ADAMTSL3: variants seen among roughly 807,000 people sequenced by gnomAD.
The protein encoded by ADAMTSL3 is ADAMTS like 3, also known as ADAMTS-like protein 3.
In ADAMTSL3, 128 loss-of-function variants were observed where a neutral mutation model predicts 201.7. The ratio of observed to expected loss-of-function variants is 0.63; its 90% CI spans 0.55 to 0.73. The LOEUF is 0.73. Ranked by LOEUF, ADAMTSL3 falls within the 30% of genes least tolerant of loss-of-function variation. The probability of loss-of-function intolerance (pLI) is 0.00; values close to 1 mark genes in which losing one functional copy is unlikely to be tolerated. For missense variants in ADAMTSL3, 1,990 were observed against 2,119.6 expected (o/e 0.94, Z 1.20); for synonymous variants, 738 against 748.4 (o/e 0.99, Z 0.23).
intron 19 of ADAMTSL3, among the ~76,000 whole-genome samples, chr15:83,969,239 T>C (rs544096686): frequency 1.3e-5 from 2 of 151,546 alleles, no homozygotes; most frequent in South Asian, 4.2e-4. Context: ...AGGTCAGGAG[T>C]TTGAGACCAG....
chr15:83,875,235 G>C (rs2065156044), intron 9 of ADAMTSL3, among the ~76,000 whole-genome samples: 1 of 152,246 alleles, frequency 6.6e-6, no homozygotes, highest in African/African-American at 2.4e-5. Flanking sequence ...ATTAAATGCA[G>C]TAGGTTCTAG....
chr15:83,681,187 C>T (rs1415698695), intron 2 of ADAMTSL3, among the ~76,000 whole-genome samples: 1 of 152,164 alleles, frequency 6.6e-6, no homozygotes, highest in Non-Finnish European at 1.5e-5. Flanking sequence ...TGACATAATA[C>T]AGAAAGGATT....
At chr15:83,924,600 C>T (rs768740772) in intron 17 of ADAMTSL3, among the ~76,000 whole-genome samples, 3 of 152,142 alleles carry the variant, frequency 2.0e-5, no homozygotes, top group Non-Finnish European at 2.9e-5. Context: ...ATAGGTTTAC[C>T]TTAAAAGTTA....
At chr15:83,730,492 G>A (rs1252035179) in intron 3 of ADAMTSL3, among the ~76,000 whole-genome samples, 1 of 152,096 alleles carries the variant, frequency 6.6e-6, no homozygotes, top group Non-Finnish European at 1.5e-5. Flanking sequence ...TCCATGGAAA[G>A]AGGTAAAAAA....
At chr15:83,872,627 C>CACACACACACACAGAGAGAG (rs6145659) in intron 9 of ADAMTSL3, among the ~76,000 whole-genome samples, 3 of 140,918 alleles carry the variant, frequency 2.1e-5, no homozygotes, top group Non-Finnish European at 3.0e-5. Context: ...CACACACACA[C>CACACACACACACAGAGAGAG]AGAGTTTTTG....
At chr15:83,794,967 C>T (rs892139247) in intron 4 of ADAMTSL3, among the ~76,000 whole-genome samples, 5 of 152,094 alleles carry the variant, frequency 3.3e-5, no homozygotes, top group Non-Finnish European at 5.9e-5. Flanking sequence ...ATTCTCCCAC[C>T]TCAGCCTCCC....
At chr15:83,784,185 G>C (rs150780247) in intron 4 of ADAMTSL3, among the ~76,000 whole-genome samples, 1 of 152,086 alleles carries the variant, frequency 6.6e-6, no homozygotes, top group Non-Finnish European at 1.5e-5. Context: ...CCTGTCCCAC[G>C]TAGGCACTGA....
intron 15 of ADAMTSL3, among the ~76,000 whole-genome samples, chr15:83,901,370 G>A (rs2065720778): frequency 6.6e-6 from 1 of 151,984 alleles, no homozygotes; most frequent in Non-Finnish European, 1.5e-5. Flanking sequence ...AGTTTAAGGA[G>A]GCAAGGAGGC....
At chr15:83,896,336 G>A (rs1236705151) in intron 13 of ADAMTSL3, among the ~76,000 whole-genome samples, 1 of 152,170 alleles carries the variant, frequency 6.6e-6, no homozygotes, top group East Asian at 1.9e-4. Flanking sequence ...GTACAGATTG[G>A]AGGGGACTCC....
At chr15:83,898,859 A>G (rs1469046826) in intron 14 of ADAMTSL3, among the ~76,000 whole-genome samples, 1 of 152,174 alleles carries the variant, frequency 6.6e-6, no homozygotes, top group African/African-American at 2.4e-5. Flanking sequence ...TAGCCTCATA[A>G]TTAGCCATTC....
chr15:83,655,749 G>A lies in ADAMTSL3; in HGVS notation c.-13G>A, dbSNP rs1177767360. The stretch of plus-strand genomic sequence containing the variant: ...TGTAGGCTACAACTGAGACCCGGAG[G>A]AGACTAGACCCCATGGCTTCCTGGA... On this transcript the variant is annotated 5_prime_UTR_variant, in exon 2 of 30. Transcript: ENST00000286744. 6.2e-7 allele frequency: 1 copy of A among 1,613,846 alleles called. No homozygotes were observed. The highest frequency in any genetic ancestry group is 2.2e-5 in the East Asian group (1 of 44,882).
chr15:83,976,724 C>G (rs1477863675), intron 20 of ADAMTSL3, among the ~76,000 whole-genome samples: 1 of 152,024 alleles, frequency 6.6e-6, no homozygotes, highest in African/African-American at 2.4e-5. Context: ...TGACAGGAGG[C>G]GGAGTTCAGG....
At chr15:83,900,709 G>C (rs930313926) in intron 15 of ADAMTSL3, among the ~76,000 whole-genome samples, 31 of 152,202 alleles carry the variant, frequency 2.0e-4, no homozygotes, top group African/African-American at 7.5e-4. Flanking sequence ...CCTCATTCTT[G>C]TGTTGAGCAA....
In ADAMTSL3 at chr15:83,897,857, G is replaced by T; in HGVS notation, c.1468-1G>T. Reference sequence around the variant, plus strand: ...GTTGGCTTCTCTTTTCTTCTTTGAAGTGCACAGTGACTTGTGGCCGAGGGT... The same window carrying T: ...GTTGGCTTCTCTTTTCTTCTTTGAATTGCACAGTGACTTGTGGCCGAGGGT... On this transcript the variant is annotated splice_acceptor_variant, in intron 13 of 29. Coordinates refer to ENST00000286744, the MANE Select transcript of ADAMTSL3 (RefSeq NM_207517.3). LOFTEE classifies it high-confidence loss of function. 6.3e-7 allele frequency: 1 copy of T among 1,590,422 alleles called. No individual in the cohort carries two copies.
intron 4 of ADAMTSL3, among the ~76,000 whole-genome samples, chr15:83,784,565 C>T (rs1046923273): frequency 6.6e-6 from 1 of 152,186 alleles, no homozygotes; most frequent in Non-Finnish European, 1.5e-5. Flanking sequence ...TCAATATATA[C>T]GCTCAGATTA....
At chr15:83,871,897 G>A (rs1414515197) in intron 9 of ADAMTSL3, among the ~76,000 whole-genome samples, 2 of 152,016 alleles carry the variant, frequency 1.3e-5, no homozygotes, top group African/African-American at 4.8e-5. Context: ...ATATTTTTCT[G>A]TATGAAAAAA....
chr15:83,802,181 C>G (rs1417154310), intron 4 of ADAMTSL3, among the ~76,000 whole-genome samples: 1 of 152,020 alleles, frequency 6.6e-6, no homozygotes, highest in Admixed American at 6.6e-5. Flanking sequence ...TAATACTTAA[C>G]CAGCCAAGAG....
intron 2 of ADAMTSL3, among the ~76,000 whole-genome samples, chr15:83,696,457 C>T (rs554010852): frequency 9.9e-4 from 151 of 152,142 alleles, no homozygotes; most frequent in Non-Finnish European, 1.9e-3. Context: ...TCTGGCTAAG[C>T]GCTGGTGTCA....
At chr15:83,818,163 A>G (rs959480481) in intron 5 of ADAMTSL3, among the ~76,000 whole-genome samples, 1 of 152,212 alleles carries the variant, frequency 6.6e-6, no homozygotes, top group Non-Finnish European at 1.5e-5. Flanking sequence ...TATTTCCAGA[A>G]AGAAGTCCTT....
Sources: allele counts gnomAD v4.1 joint callset (sites outside exome capture counted in the v4.1 genomes callset), GRCh38; gene constraint gnomAD v4.1.1; transcripts MANE v1.5; gene names NCBI Gene and HGNC (gene_info 2026-07-23, HGNC 2026-07-21).